Variants in MYT1L observed in about 807,000 individuals in gnomAD.
The protein encoded by MYT1L is myelin transcription factor 1-like protein.
A neutral mutation model predicts 126.7 loss-of-function variants in MYT1L; 12 were observed. That is an observed-to-expected ratio of 0.09 (90% CI 0.06 to 0.15). The LOEUF is 0.15. Among genes scored for constraint, MYT1L ranks in the 10% least tolerant of loss-of-function variants. MYT1L has a pLI of 1.00. For missense variants in MYT1L, 979 were observed against 1,585.2 expected (o/e 0.62, Z 6.49); for synonymous variants, 541 against 604.2 (o/e 0.90, Z 1.53).
At chr2:2,081,940 A>G (rs1387403204) in intron 3 of MYT1L, among the ~76,000 whole-genome samples, 1 of 152,058 alleles carries the variant, frequency 6.6e-6, no homozygotes, top group African/African-American at 2.4e-5. Flanking sequence ...ACAGGGTTTC[A>G]CCACGTTGGT....
At chr2:2,030,254 C>T (rs555378589) in intron 4 of MYT1L, among the ~76,000 whole-genome samples, 3 of 152,114 alleles carry the variant, frequency 2.0e-5, no homozygotes, top group South Asian at 4.2e-4. Context: ...TATGCTACCA[C>T]GCCTGGCTAA....
chr2:2,218,779 C>CA (rs1489254576), intron 2 of MYT1L, among the ~76,000 whole-genome samples: 1 of 152,192 alleles, frequency 6.6e-6, no homozygotes, highest in Non-Finnish European at 1.5e-5. Context: ...AACTGCCAGC[C>CA]ACACCCTCAT....
rs2094715272 is a variant in MYT1L at position 2,253,499 on chromosome 2, G to A, written c.-421+30905C>T. On this transcript the variant is annotated intron_variant, in intron 2 of 24. Transcript: ENST00000647738. Reference sequence around the variant, plus strand: ...ACTTCTAATGCTCTATAGGGGGAAGGGGGATGCAGTTAAAAGGAAGGATTG... The same window carrying A: ...ACTTCTAATGCTCTATAGGGGGAAGAGGGATGCAGTTAAAAGGAAGGATTG... Among the ~76,000 whole-genome samples, 3 of 152,242 alleles carry A rather than the reference G, an allele frequency of 2.0e-5. No individual in the cohort carries two copies. The South Asian group carries it at 6.2e-4, about 32-fold the overall frequency.
rs185485969 is a variant in MYT1L at position 2,157,905 on chromosome 2, C to T, written c.-304+14967G>A. On this transcript the variant is annotated intron_variant, in intron 3 of 24. Transcript: ENST00000647738. ...GTCCCTAAATTTTCATAGCAGACAA[C>T]GGATCCACAGAGCCAGACTCTGTGG... Among the ~76,000 whole-genome samples, 501 of 152,204 alleles carry T rather than the reference C, an allele frequency of 3.3e-3. 1 individual carries two copies. Among genetic ancestry groups the T allele is most frequent in the African/African-American group, 0.011 (471 of 41,528 alleles).
chr2:2,152,476 G>A (rs1281876529), intron 3 of MYT1L, among the ~76,000 whole-genome samples: 4 of 152,212 alleles, frequency 2.6e-5, no homozygotes, highest in East Asian at 1.9e-4. Context: ...GACCAGTTAC[G>A]CTGATCCCCA....
chr2:1,956,547 A>G (rs2058457688), intron 8 of MYT1L, among the ~76,000 whole-genome samples: 2 of 142,686 alleles, frequency 1.4e-5, no homozygotes, highest in Admixed American at 7.0e-5. Flanking sequence ...CTATCTATCT[A>G]TCATCTATCC....
intron 3 of MYT1L, among the ~76,000 whole-genome samples, chr2:2,097,316 C>T (rs1575139623): frequency 6.6e-6 from 1 of 152,246 alleles, no homozygotes; most frequent in Non-Finnish European, 1.5e-5. Flanking sequence ...CCCCTGGAAC[C>T]CATGCATTCA....
At chr2:2,009,910 T>C (rs1463773820) in intron 4 of MYT1L, among the ~76,000 whole-genome samples, 1 of 151,068 alleles carries the variant, frequency 6.6e-6, no homozygotes, top group African/African-American at 2.4e-5. Context: ...TTTTTTTTTT[T>C]TTTTTTTTCA....
At chr2:2,005,764 C>T (rs2063234913) in intron 4 of MYT1L, among the ~76,000 whole-genome samples, 1 of 149,222 alleles carries the variant, frequency 6.7e-6, no homozygotes, top group Non-Finnish European at 1.5e-5. Context: ...GCGTTCTTTC[C>T]TGCGTGCCTT....
At chr2:1,812,914 G>A (rs1401060797) in intron 21 of MYT1L, among the ~76,000 whole-genome samples, 1 of 150,588 alleles carries the variant, frequency 6.6e-6, no homozygotes, top group East Asian at 2.0e-4. Flanking sequence ...GAATGCAGCT[G>A]CCGCCCTGGG....
At chr2:2,153,088 A>T (rs1418060734) in intron 3 of MYT1L, among the ~76,000 whole-genome samples, 1 of 152,154 alleles carries the variant, frequency 6.6e-6, no homozygotes, top group East Asian at 1.9e-4. Flanking sequence ...GCTTGAGGCC[A>T]GGTGTTCAGG....
intron 3 of MYT1L, among the ~76,000 whole-genome samples, chr2:2,167,276 T>G (rs1172072705): frequency 2.0e-5 from 3 of 152,216 alleles, no homozygotes; most frequent in Non-Finnish European, 2.9e-5. Context: ...AAAGCTGTAC[T>G]GTGAAGCCTT....
Position 1,791,261 on chromosome 2 carries a change from T to G in MYT1L, c.*606A>C, listed in dbSNP as rs1460983427. ...TTATTGCCCCCACCATACACCATCC[T>G]CCTAAAACAAACAAACAAAAAAGTC... On this transcript the variant is annotated 3_prime_UTR_variant, in exon 25 of 25. Coordinates refer to ENST00000647738, the MANE Select transcript of MYT1L (RefSeq NM_001303052.2). The surrounding 1 kb of genome is among the most constrained non-coding windows in gnomAD (Gnocchi z 6.0). The G allele has an allele frequency of 2.1e-6, 1 of 469,624 alleles. No homozygotes were observed. The highest frequency in any genetic ancestry group is 2.0e-5 in the African/African-American group (1 of 50,158). 29.1% of individuals were successfully genotyped at this position (469,624 alleles called of 1,614,324 possible). A position where few individuals can be genotyped will look rare whatever the true frequency, so the allele number is the denominator to read the frequency against.
At chr2:2,150,637 C>T (rs2085606073) in intron 3 of MYT1L, among the ~76,000 whole-genome samples, 1 of 152,118 alleles carries the variant, frequency 6.6e-6, no homozygotes, top group Non-Finnish European at 1.5e-5. Flanking sequence ...TGATCTCTAA[C>T]CTAAAAGGAT....
chr2:2,301,566 A>G (rs2095786200), intron 1 of MYT1L, among the ~76,000 whole-genome samples: 2 of 152,152 alleles, frequency 1.3e-5, no homozygotes, highest in African/African-American at 4.8e-5. Flanking sequence ...ACAATGGCTC[A>G]TGCTTGTAGT....
chr2:2,065,377 T>G (rs2071096188), intron 3 of MYT1L, among the ~76,000 whole-genome samples: 1 of 152,190 alleles, frequency 6.6e-6, no homozygotes, highest in Non-Finnish European at 1.5e-5. Context: ...TATAGCAATA[T>G]AAAAACCTTG....
At chr2:2,326,481 A>C (rs2149731812) in intron 1 of MYT1L, 1 of 152,346 alleles carries the variant, frequency 6.6e-6, no homozygotes, top group South Asian at 2.1e-4. Context: ...TCTGAAAGCA[A>C]GGAAAGCTTT....
At chr2:1,965,979 C>T (rs946052636) in intron 8 of MYT1L, among the ~76,000 whole-genome samples, 1 of 152,276 alleles carries the variant, frequency 6.6e-6, no homozygotes, top group Non-Finnish European at 1.5e-5. Flanking sequence ...CTTCACGACG[C>T]CCTAGGGCCT....
chr2:2,060,940 A>T (rs1490112736), intron 3 of MYT1L, among the ~76,000 whole-genome samples: 2 of 151,682 alleles, frequency 1.3e-5, no homozygotes, highest in African/African-American at 4.8e-5. Flanking sequence ...ATTTGTAAGC[A>T]CTTCTCCATA....
Sources: gnomAD v4.1 joint callset for allele counts (sites outside exome capture counted in the v4.1 genomes callset) on GRCh38, gnomAD v4.1.1 for gene constraint, Gnocchi (gnomAD v3.1) non-coding constraint, MANE v1.5 for transcripts, NCBI Gene and HGNC (gene_info 2026-07-23, HGNC 2026-07-21) for gene names.